The following RAD51B variants were observed in gnomAD, a reference collection of about 807,000 sequenced individuals.
The protein encoded by RAD51B is DNA repair protein RAD51 homolog 2.
A neutral mutation model predicts 42.2 loss-of-function variants in RAD51B; 38 were observed. The ratio of observed to expected loss-of-function variants is 0.90; its 90% CI spans 0.70 to 1.18. The LOEUF (loss-of-function observed/expected upper bound fraction) is 1.18, where lower values mean the gene tolerates loss of function less well. Among genes scored for constraint, RAD51B ranks in the 50% most tolerant of loss-of-function variants. The pLI, the probability that RAD51B is intolerant of heterozygous loss-of-function variation, is 0.00. For synonymous variants in RAD51B, 154 were observed against 145.2 expected, an observed-to-expected ratio of 1.06 and a Z score of -0.43; for missense variants, 373 against 400.7, an observed-to-expected ratio of 0.93 and a Z score of 0.59.
At chr14:68,137,527 C>T (rs563561173) in intron 7 of RAD51B, among the ~76,000 whole-genome samples, 1 of 152,158 alleles carries the variant, frequency 6.6e-6, no homozygotes, top group South Asian at 2.1e-4. Context: ...GCATGGAATC[C>T]ACATGGAATG....
intron 7 of RAD51B, among the ~76,000 whole-genome samples, chr14:68,002,194 C>A (rs2075497854): frequency 1.3e-5 from 2 of 152,148 alleles, no homozygotes; most frequent in African/African-American, 4.8e-5. Context: ...TTCTCTGCAA[C>A]CTTGCCAGCA....
intron 7 of RAD51B, among the ~76,000 whole-genome samples, chr14:67,988,583 C>G (rs1184988572): frequency 2.6e-5 from 4 of 152,162 alleles, no homozygotes; most frequent in African/African-American, 9.7e-5. Flanking sequence ...TTTTCACAGA[C>G]ATGGCTTGAG....
At chr14:68,515,555 C>T (rs1180806687) in intron 10 of RAD51B, among the ~76,000 whole-genome samples, 18 of 145,174 alleles carry the variant, frequency 1.2e-4, no homozygotes, top group Non-Finnish European at 1.8e-4. Flanking sequence ...ATTAAGTGAT[C>T]TTTCAGCCTC....
At chr14:68,626,393 C>G (rs1332382253) in intron 10 of RAD51B, among the ~76,000 whole-genome samples, 1 of 152,264 alleles carries the variant, frequency 6.6e-6, no homozygotes, top group Non-Finnish European at 1.5e-5. Flanking sequence ...ACACAACAGA[C>G]ACTCTAAAAC....
chr14:68,647,109 A>G (rs1358797988), intron 10 of RAD51B, among the ~76,000 whole-genome samples: 1 of 152,236 alleles, frequency 6.6e-6, no homozygotes, highest in Non-Finnish European at 1.5e-5. Context: ...TTCTAAATAT[A>G]AAAGAACTTC....
intron 9 of RAD51B, among the ~76,000 whole-genome samples, chr14:68,439,049 T>C (rs7148219): frequency 6.6e-6 from 1 of 152,120 alleles, no homozygotes; most frequent in Non-Finnish European, 1.5e-5. Context: ...CACAGGGAAC[T>C]GACCTTTACA....
At chr14:67,847,835 G>T (rs2041672478) in intron 4 of RAD51B, among the ~76,000 whole-genome samples, 1 of 152,104 alleles carries the variant, frequency 6.6e-6, no homozygotes, top group Admixed American at 6.5e-5. Flanking sequence ...GAGTTTCTTT[G>T]TTATTTTTCT....
At chr14:68,556,619 G>A (rs1888860229) in intron 10 of RAD51B, among the ~76,000 whole-genome samples, 1 of 152,186 alleles carries the variant, frequency 6.6e-6, no homozygotes, top group Admixed American at 6.5e-5. Flanking sequence ...GAAGGTTTGA[G>A]GAAAGGTTCA....
intron 7 of RAD51B, among the ~76,000 whole-genome samples, chr14:68,227,470 GA>G (rs2140975732): frequency 6.6e-6 from 1 of 152,290 alleles, no homozygotes; most frequent in South Asian, 2.1e-4. Flanking sequence ...ATCCACCTCA[GA>G]GGGTTGTTAT....
At chr14:68,104,465 A>G (rs916551464) in intron 7 of RAD51B, among the ~76,000 whole-genome samples, 24 of 152,200 alleles carry the variant, frequency 1.6e-4, no homozygotes, top group Non-Finnish European at 1.5e-5. Flanking sequence ...AAGAGCAGAT[A>G]AACTGAGAAA....
intron 11 of RAD51B, among the ~76,000 whole-genome samples, chr14:68,679,125 G>A (rs989561016): frequency 1.4e-4 from 21 of 152,110 alleles, no homozygotes; most frequent in African/African-American, 5.1e-4. Context: ...AAAATCAAAT[G>A]TAAGTAATGT....
At chr14:68,633,654 C>T (rs1369071447) in intron 10 of RAD51B, among the ~76,000 whole-genome samples, 2 of 152,232 alleles carry the variant, frequency 1.3e-5, no homozygotes, top group African/African-American at 2.4e-5. Flanking sequence ...TAGATGTGCT[C>T]AGAGCACAGA....
intron 7 of RAD51B, among the ~76,000 whole-genome samples, chr14:67,968,559 G>A (rs112348101): frequency 0.12 from 17,561 of 152,166 alleles, 1,349 homozygotes; most frequent in Middle Eastern, 0.28. Context: ...CAAATCTCAA[G>A]GGCAGGGACA....
intron 7 of RAD51B, among the ~76,000 whole-genome samples, chr14:68,218,367 A>C (rs1307465466): frequency 6.6e-6 from 1 of 152,244 alleles, no homozygotes; most frequent in Non-Finnish European, 1.5e-5. Flanking sequence ...TGGCTTCAGC[A>C]AGGCCAGATG....
At chr14:68,046,767 T>C (rs1396246734) in intron 7 of RAD51B, among the ~76,000 whole-genome samples, 1 of 152,040 alleles carries the variant, frequency 6.6e-6, no homozygotes, top group Non-Finnish European at 1.5e-5. Flanking sequence ...AATGCTGTGG[T>C]TTTCTGTATA....
chr14:68,161,517 C>T (rs2078638521), intron 7 of RAD51B, among the ~76,000 whole-genome samples: 1 of 152,132 alleles, frequency 6.6e-6, no homozygotes, highest in Non-Finnish European at 1.5e-5. Flanking sequence ...GTGTTCAACC[C>T]TGGGTCAGGG....
intron 8 of RAD51B, among the ~76,000 whole-genome samples, chr14:68,387,829 T>C (rs2083632454): frequency 6.6e-6 from 1 of 152,152 alleles, no homozygotes. Context: ...CACATGTAGC[T>C]ACTGAGCACA....
chr14:68,268,183 G>C (rs1471247232), intron 7 of RAD51B, among the ~76,000 whole-genome samples: 1 of 152,180 alleles, frequency 6.6e-6, no homozygotes, highest in Non-Finnish European at 1.5e-5. Flanking sequence ...TATCACTTCA[G>C]ACACCTAACA....
chr14:68,391,745 A>G (rs1264254536), intron 8 of RAD51B, among the ~76,000 whole-genome samples: 1 of 152,192 alleles, frequency 6.6e-6, no homozygotes, highest in Non-Finnish European at 1.5e-5. Context: ...AAAAGCAAGC[A>G]AACTTGTTGA....
Sources: allele counts gnomAD v4.1 joint callset (sites outside exome capture counted in the v4.1 genomes callset), GRCh38; gene constraint gnomAD v4.1.1; transcripts MANE v1.5; gene names NCBI Gene and HGNC (gene_info 2026-07-23, HGNC 2026-07-21).